The following MDGA2 variants were observed in gnomAD, a reference collection of about 807,000 sequenced individuals.
MDGA2 encodes MAM domain containing glycosylphosphatidylinositol anchor 2.
In MDGA2, 40 loss-of-function variants were observed where a neutral mutation model predicts 117.8. The ratio of observed to expected loss-of-function variants is 0.34; its 90% CI spans 0.26 to 0.44. MDGA2 has a LOEUF of 0.44. Ranked by LOEUF, MDGA2 falls within the 20% of genes least tolerant of loss-of-function variation. MDGA2 has a pLI of 1.00. For synonymous variants in MDGA2, 452 were observed against 439.0 expected (o/e 1.03, Z -0.37); for missense variants, 1,123 against 1,250.6 (o/e 0.90, Z 1.54).
chr14:46,953,394 AT>A (rs1196642046), intron 9 of MDGA2, among the ~76,000 whole-genome samples: 1 of 151,818 alleles, frequency 6.6e-6, no homozygotes, highest in African/African-American at 2.4e-5. Context: ...ATTCCTAAAT[AT>A]TTTACAACTC....
chr14:47,637,913 C>T (rs61995226), intron 1 of MDGA2, among the ~76,000 whole-genome samples: 7 of 152,198 alleles, frequency 4.6e-5, no homozygotes, highest in Non-Finnish European at 8.8e-5. Context: ...AATGTCTACG[C>T]TGTTACCCAA....
At chr14:47,636,252 A>C (rs779488839) in intron 1 of MDGA2, among the ~76,000 whole-genome samples, 2 of 152,198 alleles carry the variant, frequency 1.3e-5, no homozygotes, top group Non-Finnish European at 2.9e-5. Context: ...TTAAGCAAAA[A>C]AGGTAAAAGA....
At chr14:47,365,738 G>A (rs978524006) in intron 1 of MDGA2, among the ~76,000 whole-genome samples, 1 of 152,170 alleles carries the variant, frequency 6.6e-6, no homozygotes, top group Non-Finnish European at 1.5e-5. Context: ...ACATTAATAC[G>A]CAGTCTTAGC....
At chr14:47,390,275 T>A (rs1169289617) in intron 1 of MDGA2, among the ~76,000 whole-genome samples, 2 of 152,186 alleles carry the variant, frequency 1.3e-5, no homozygotes, top group East Asian at 1.9e-4. Flanking sequence ...TTTTAAAAGA[T>A]AATAAGCCAG....
At chr14:47,157,328 G>A (rs1166745078) in intron 3 of MDGA2, among the ~76,000 whole-genome samples, 1 of 151,990 alleles carries the variant, frequency 6.6e-6, no homozygotes, top group African/African-American at 2.4e-5. Flanking sequence ...GTGAAATTTT[G>A]CTTTTACTCA....
At chr14:46,946,348 G>T (rs930005662) in intron 9 of MDGA2, among the ~76,000 whole-genome samples, 1 of 151,788 alleles carries the variant, frequency 6.6e-6, no homozygotes, top group Non-Finnish European at 1.5e-5. Flanking sequence ...GAAACTTGGT[G>T]TATTCTCCCT....
At chr14:47,342,321 T>C (rs1411735635) in intron 1 of MDGA2, among the ~76,000 whole-genome samples, 1 of 148,600 alleles carries the variant, frequency 6.7e-6, no homozygotes, top group East Asian at 1.9e-4. Flanking sequence ...TATATATATT[T>C]ATATAACATA....
intron 3 of MDGA2, among the ~76,000 whole-genome samples, chr14:47,171,168 T>C (rs1240384528): frequency 6.6e-6 from 1 of 152,124 alleles, no homozygotes; most frequent in African/African-American, 2.4e-5. Flanking sequence ...AAATATTATG[T>C]TTTTTACAGT....
intron 1 of MDGA2, among the ~76,000 whole-genome samples, chr14:47,620,456 A>C (rs1040100507): frequency 1.3e-5 from 2 of 152,238 alleles, no homozygotes; most frequent in Admixed American, 1.3e-4. Context: ...TTAAATCATA[A>C]AGATTTGATT....
intron 12 of MDGA2, among the ~76,000 whole-genome samples, chr14:46,875,207 G>A (rs1595013056): frequency 6.6e-6 from 1 of 151,604 alleles, no homozygotes; most frequent in Non-Finnish European, 1.5e-5. Context: ...AAAGAACAGA[G>A]ACTTCCATTT....
intron 1 of MDGA2, among the ~76,000 whole-genome samples, chr14:47,614,493 T>C (rs970108758): frequency 6.6e-6 from 1 of 152,190 alleles, no homozygotes; most frequent in African/African-American, 2.4e-5. Flanking sequence ...CTTCCATTAA[T>C]GTTATTTCCA....
At chr14:47,536,181 G>A (rs1895206359) in intron 1 of MDGA2, among the ~76,000 whole-genome samples, 1 of 152,172 alleles carries the variant, frequency 6.6e-6, no homozygotes, top group African/African-American at 2.4e-5. Flanking sequence ...TGGATGTAAG[G>A]TAGGGTGAAG....
intron 1 of MDGA2, among the ~76,000 whole-genome samples, chr14:47,514,990 TC>T (rs1372478459): frequency 3.3e-5 from 5 of 152,226 alleles, no homozygotes; most frequent in Admixed American, 2.6e-4. Context: ...ATGTTTTGTC[TC>T]TTCATATACA....
At chr14:47,404,740 C>A (rs764186079) in intron 1 of MDGA2, among the ~76,000 whole-genome samples, 33 of 151,892 alleles carry the variant, frequency 2.2e-4, no homozygotes, top group Non-Finnish European at 4.0e-4. Context: ...GCAATCCTCC[C>A]GCCTTGGCCT....
rs72673211 is a variant in MDGA2 at position 47,637,591 on chromosome 14, A to G, written c.280+36926T>C. Among the ~76,000 whole-genome samples, 1,288 of 152,302 alleles carry G rather than the reference A, an allele frequency of 8.5e-3. 6 individuals are homozygous for G. Among genetic ancestry groups the G allele is most frequent in the Non-Finnish European group, 0.014 (921 of 68,016 alleles). On this transcript the variant is annotated intron_variant, in intron 1 of 16. Transcript: ENST00000399232. ...TTTAAATATCTCCCCAAAAGTTTGT[A>G]CCACTCCTACCTCTTAAAAATCTAA... is the stretch of plus-strand genomic sequence containing the variant.
intron 1 of MDGA2, among the ~76,000 whole-genome samples, chr14:47,526,457 C>T (rs1286358672): frequency 1.3e-5 from 2 of 152,068 alleles, no homozygotes; most frequent in Admixed American, 6.6e-5. Context: ...GATCATAGTA[C>T]TTTTGGGATC....
intron 8 of MDGA2, among the ~76,000 whole-genome samples, chr14:47,030,367 A>G (rs1888618850): frequency 6.6e-6 from 1 of 151,894 alleles, no homozygotes; most frequent in Middle Eastern, 3.2e-3. Flanking sequence ...ATACAAAATT[A>G]GCTGGGCATG....
intron 3 of MDGA2, among the ~76,000 whole-genome samples, chr14:47,202,703 A>C (rs747620762): frequency 2.0e-5 from 3 of 152,200 alleles, no homozygotes; most frequent in Non-Finnish European, 4.4e-5. Context: ...TAGGTGCATG[A>C]GGTTCAGACA....
At chr14:46,996,746 G>GT (rs1887308386) in intron 8 of MDGA2, 1 of 178,042 alleles carries the variant, frequency 5.6e-6, no homozygotes, top group Non-Finnish European at 1.2e-5. Flanking sequence ...CCACACTGTG[G>GT]TTCCTTCAAA....
Sources: allele counts gnomAD v4.1 joint callset (sites outside exome capture counted in the v4.1 genomes callset), GRCh38; gene constraint gnomAD v4.1.1; transcripts MANE v1.5; gene names NCBI Gene and HGNC (gene_info 2026-07-23, HGNC 2026-07-21).